Variants in FA2H observed in about 807,000 individuals in gnomAD.
The protein encoded by FA2H is fatty acid 2-hydroxylase.
Under a neutral mutation model 44.9 loss-of-function variants are expected in FA2H, and 22 were observed. The ratio of observed to expected loss-of-function variants is 0.49; its 90% CI spans 0.35 to 0.70. The LOEUF (loss-of-function observed/expected upper bound fraction) is 0.70, where lower values mean the gene tolerates loss of function less well. Among genes scored for constraint, FA2H ranks in the 30% least tolerant of loss-of-function variants. The pLI, the probability that FA2H is intolerant of heterozygous loss-of-function variation, is 0.01. For missense variants in FA2H, 501 were observed against 504.9 expected (o/e 0.99, Z 0.07); for synonymous variants, 243 against 213.2 (o/e 1.14, Z -1.22).
chr16:74,748,836 C>T (rs1962477760), intron 1 of FA2H, among the ~76,000 whole-genome samples: 1 of 152,206 alleles, frequency 6.6e-6, no homozygotes, highest in Non-Finnish European at 1.5e-5. Context: ...CTGGGCACCG[C>T]GGGACGGACA....
Position 74,761,174 on chromosome 16 carries a change from G to A in FA2H, c.270+13312C>T, listed in dbSNP as rs573154318. 1.2e-3 allele frequency among the ~76,000 whole-genome samples: 185 copies of A among 152,248 alleles called. 1 individual carries two copies. The highest frequency in any genetic ancestry group is 4.0e-3 in the African/African-American group (168 of 41,534). ...TACTTTGAAAAATGTAGATAGGGTC[G>A]GGCGCGGTGGTTCATGCCTGTAATC... On this transcript the variant is annotated intron_variant, in intron 1 of 6. Coordinates refer to ENST00000219368, the MANE Select transcript of FA2H (RefSeq NM_024306.5).
At chr16:74,759,851 C>T (rs991149432) in intron 1 of FA2H, among the ~76,000 whole-genome samples, 1 of 152,200 alleles carries the variant, frequency 6.6e-6, no homozygotes, top group African/African-American at 2.4e-5. Flanking sequence ...TAGGGGTCCC[C>T]TCTTCCTCTC....
At position 74,713,883 on chromosome 16, in the gene FA2H, C is replaced by T. The variant is rs115461339; in HGVS notation, c.*307G>A. ...CGAGGGCTCAGTTTTCTTCATTTCCCCTTGCGGCTGCTACCTGTGGCCACG... is the reference window on the plus strand; with the variant it reads ...CGAGGGCTCAGTTTTCTTCATTTCCTCTTGCGGCTGCTACCTGTGGCCACG... On this transcript the variant is annotated 3_prime_UTR_variant, in exon 7 of 7. Transcript: ENST00000219368. 5.4e-4 allele frequency: 209 copies of T among 387,314 alleles called. No homozygotes were observed. The highest frequency in any genetic ancestry group is 3.4e-3 in the African/African-American group (170 of 50,002). 24.0% of individuals were successfully genotyped at this position (387,314 alleles called of 1,614,324 possible).
intron 5 of FA2H, chr16:74,717,255 G>A (rs1961728086): frequency 6.6e-6 from 1 of 152,330 alleles, no homozygotes. Flanking sequence ...GGCTTGGTGA[G>A]GAGTCTGAGA....
intron 1 of FA2H, among the ~76,000 whole-genome samples, chr16:74,746,447 A>C (rs1041265279): frequency 6.6e-6 from 1 of 150,960 alleles, no homozygotes; most frequent in African/African-American, 2.4e-5. Flanking sequence ...TAGCCTCGAA[A>C]TCCTGGCCTC....
chr16:74,741,804 ATATATG>A (rs1383894468), intron 1 of FA2H, among the ~76,000 whole-genome samples: 33 of 57,808 alleles, frequency 5.7e-4, no homozygotes, highest in African/African-American at 2.0e-3. Flanking sequence ...ATATATATAT[ATATATG>A]TGTGTGTGTG....
At chr16:74,731,981 T>A (rs1400703007) in intron 2 of FA2H, among the ~76,000 whole-genome samples, 4 of 152,216 alleles carry the variant, frequency 2.6e-5, no homozygotes, top group Admixed American at 6.5e-5. Context: ...CAAGCAATTC[T>A]CCCACCTCAG....
chr16:74,724,796 C>T (rs1961916296), intron 4 of FA2H, among the ~76,000 whole-genome samples: 1 of 152,126 alleles, frequency 6.6e-6, no homozygotes, highest in Admixed American at 6.5e-5. Flanking sequence ...ATCCTCCCTG[C>T]CATGCAGGAA....
intron 2 of FA2H, among the ~76,000 whole-genome samples, chr16:74,730,421 C>T (rs1449933007): frequency 6.6e-6 from 1 of 152,196 alleles, no homozygotes; most frequent in Non-Finnish European, 1.5e-5. Flanking sequence ...CCAAACTCCA[C>T]CTAGTCGCTG....
chr16:74,724,005 G>A (rs1278976801), intron 4 of FA2H, among the ~76,000 whole-genome samples: 3 of 152,024 alleles, frequency 2.0e-5, no homozygotes, highest in African/African-American at 7.3e-5. Flanking sequence ...GGGTTCAAAC[G>A]ATTCTCCTGC....
intron 1 of FA2H, among the ~76,000 whole-genome samples, chr16:74,756,863 T>A (rs985964254): frequency 2.2e-4 from 31 of 142,744 alleles, no homozygotes; most frequent in Middle Eastern, 6.8e-3. Context: ...CCAAAAAAAA[T>A]TCCAGGGAAG....
Position 74,740,007 on chromosome 16 carries a change from A to G in FA2H, c.363+16T>C, listed in dbSNP as rs200778769. On this transcript the variant is annotated intron_variant, in intron 2 of 6. Coordinates refer to ENST00000219368, the MANE Select transcript of FA2H (RefSeq NM_024306.5). ...CAGCCCCCAGTCATCACCCCACTCC[A>G]TCCTATGCCAGGTACCTTGTCCCAA... 6.3e-7 allele frequency: 1 copy of G among 1,595,966 alleles called. No individual in the cohort carries two copies. The highest frequency in any genetic ancestry group is 1.3e-5 in the African/African-American group (1 of 74,492).
intron 1 of FA2H, among the ~76,000 whole-genome samples, chr16:74,756,926 T>C (rs1183350659): frequency 1.3e-5 from 2 of 151,950 alleles, no homozygotes; most frequent in African/African-American, 4.8e-5. Flanking sequence ...ATACAATTAT[T>C]AGTAGGAAAC....
At chr16:74,760,611 C>T (rs1168545542) in intron 1 of FA2H, among the ~76,000 whole-genome samples, 1 of 152,150 alleles carries the variant, frequency 6.6e-6, no homozygotes, top group African/African-American at 2.4e-5. Context: ...AGGAAATCCC[C>T]ATCACATGAG....
chr16:74,733,231 C>A (rs1004422674), intron 2 of FA2H, among the ~76,000 whole-genome samples: 1 of 152,220 alleles, frequency 6.6e-6, no homozygotes, highest in East Asian at 1.9e-4. Context: ...TCTGTGAACA[C>A]CCGCCTCAGT....
intron 1 of FA2H, among the ~76,000 whole-genome samples, chr16:74,763,027 G>A (rs547060023): frequency 6.6e-6 from 1 of 152,140 alleles, no homozygotes; most frequent in Non-Finnish European, 1.5e-5. Context: ...CCTGTTTGGG[G>A]GCAACACAGG....
intron 4 of FA2H, among the ~76,000 whole-genome samples, chr16:74,723,192 A>T (rs1961876580): frequency 6.6e-6 from 1 of 152,090 alleles, no homozygotes. Flanking sequence ...TTTTCTCTGT[A>T]CTGTGTCCAC....
intron 1 of FA2H, among the ~76,000 whole-genome samples, chr16:74,758,147 G>A (rs1441356913): frequency 2.2e-5 from 3 of 138,178 alleles, no homozygotes; most frequent in Non-Finnish European, 4.6e-5. Flanking sequence ...TTGAGACGGA[G>A]TCTCGGACTG....
Position 74,732,072 on chromosome 16 carries a change from C to T in FA2H, c.364-4686G>A, listed in dbSNP as rs899291372. Among the ~76,000 whole-genome samples the T allele has an allele frequency of 3.9e-5, 6 of 152,020 alleles. No homozygotes were observed. In the South Asian group the frequency reaches 1.0e-3, roughly 26 times the overall value. On this transcript the variant is annotated intron_variant, in intron 2 of 6. Coordinates refer to ENST00000219368, the MANE Select transcript of FA2H (RefSeq NM_024306.5). The stretch of plus-strand genomic sequence containing the variant: ...TTGTTTGTTTGTTTGTTTTTAGAGA[C>T]GAAGTATCACTATGTTGTGTAGGCT...
Sources: allele counts gnomAD v4.1 joint callset (sites outside exome capture counted in the v4.1 genomes callset), GRCh38; gene constraint gnomAD v4.1.1; transcripts MANE v1.5; gene names NCBI Gene and HGNC (gene_info 2026-07-23, HGNC 2026-07-21).